The following SHROOM1 variants were observed in gnomAD, a reference collection of about 807,000 sequenced individuals.
The protein encoded by SHROOM1 is protein Shroom1.
SHROOM1 carries 53 observed loss-of-function variants against 64.2 expected under a neutral mutation model. That is an observed-to-expected ratio of 0.83 (90% CI 0.66 to 1.04). The LOEUF is 1.04. SHROOM1 is among the 50% of genes least tolerant of loss of function. SHROOM1 has a pLI of 0.00. For missense variants in SHROOM1, 1,179 were observed against 1,163.2 expected (o/e 1.01, Z -0.20); for synonymous variants, 490 against 518.9 (o/e 0.94, Z 0.76).
Position 132,823,291 on chromosome 5 carries a change from C to T in SHROOM1, c.2185G>A (p.Ala729Thr). The T allele has an allele frequency of 6.2e-7, 1 of 1,600,836 alleles. No individual in the cohort carries two copies. Among genetic ancestry groups the T allele is most frequent in the African/African-American group, 1.3e-5 (1 of 74,992 alleles). ...CTGTCTGAGGCCGCCCGGGCCAGGG[C>T]GCGGCGCACGCGCGCCAGGCGACTG... is the stretch of plus-strand genomic sequence containing the variant. ...LGSRLARVRRALARAASDSDP... is the reference protein window; with the variant it reads ...LGSRLARVRRTLARAASDSDP... The change falls in exon 9 of 10, where the codon GCC becomes ACC. Residue 729 changes from alanine to threonine, a missense_variant. By Grantham distance (58) the Ala-to-Thr change is moderately conservative. Coordinates refer to ENST00000378679, the MANE Select transcript of SHROOM1 (RefSeq NM_001172700.2). This position sits in a 1 kb window ranked among gnomAD's most constrained non-coding sequence, Gnocchi z 4.6.
chr5:132,823,243 C>T lies in SHROOM1; in HGVS notation c.2226+7G>A, dbSNP rs1052225638. The T allele has an allele frequency of 6.3e-7, 1 of 1,594,122 alleles. No individual in the cohort carries two copies. The highest frequency in any genetic ancestry group is 1.3e-5 in the African/African-American group (1 of 74,658). On this transcript the variant is annotated splice_region_variant and intron_variant, in intron 9 of 9. Transcript: ENST00000378679. The surrounding 1 kb of genome is among the most constrained non-coding windows in gnomAD (Gnocchi z 4.6). ...CCCTACTCGCTTGCAACCTGAACCCCTTTTACCTGCTCATCAGGGTCGCTG... is the reference window on the plus strand; with the variant it reads ...CCCTACTCGCTTGCAACCTGAACCCTTTTTACCTGCTCATCAGGGTCGCTG...
At position 132,825,578 on chromosome 5, in the gene SHROOM1, G is replaced by T. The variant is rs1459430922; in HGVS notation, c.563C>A (p.Ser188Ter). The change falls in exon 4 of 10, where the codon TCG (serine) becomes TAG (stop). Residue 188 changes from serine to a stop codon, truncating the protein, a stop_gained. Transcript: ENST00000378679. LOFTEE classifies it high-confidence loss of function. This position sits in a 1 kb window ranked among gnomAD's most constrained non-coding sequence, Gnocchi z 5.1. Reference protein sequence around the residue: ...RPPATHPRSASLSHPGGEGEP... With the variant: ...RPPATHPRSA ...CCCCTCCCCGCCCGGGTGGCTGAGC[G>T]AGGCGGAGCGCGGGTGAGTCGCCGG... 1.4e-6 allele frequency: 2 copies of T among 1,401,682 alleles called. No individual in the cohort carries two copies. The highest frequency in any genetic ancestry group is 2.2e-4 in the Middle Eastern group (1 of 4,542). 86.8% of individuals were successfully genotyped at this position (1,401,682 alleles called of 1,614,324 possible). A position where few individuals can be genotyped will look rare whatever the true frequency, so the allele number is the denominator to read the frequency against.
rs1171278617 is a variant in SHROOM1, at chr5:132,822,403, G to T, written c.*393C>A. The T allele has an allele frequency of 9.1e-6, 1 of 110,266 alleles. No homozygotes were observed. Among genetic ancestry groups the T allele is most frequent in the Admixed American group, 1.5e-4 (1 of 6,830 alleles). The allele number at this position is 110,266 out of a possible 1,614,324, so 6.8% of individuals were successfully genotyped here. A position where few individuals can be genotyped will look rare whatever the true frequency, so the allele number is the denominator to read the frequency against. On this transcript the variant is annotated 3_prime_UTR_variant, in exon 10 of 10. Coordinates refer to ENST00000378679, the MANE Select transcript of SHROOM1 (RefSeq NM_001172700.2). ...TTTTGAGACGGAGTCTTGCTCTGTC[G>T]CCCAGGCTGGAGTGCAGTGGCGCGA... is the stretch of plus-strand genomic sequence containing the variant.
Position 132,824,773 on chromosome 5 carries a change from G to A in SHROOM1, c.1083C>T (p.Pro361=). Residue 361 remains proline (P), a synonymous_variant, in exon 6 of 10, where the codon CCC becomes CCT. Coordinates refer to ENST00000378679, the MANE Select transcript of SHROOM1 (RefSeq NM_001172700.2). ...GTTCACTGTCAGCAGGGCTGCTCTG[G>A]GGTAACTCTGCAGGATACATCACCG... The part of the protein sequence containing the change: ...EAAVMYPAEL[P]QSSPADSEQR... The A allele has an allele frequency of 6.2e-7, 1 of 1,614,092 alleles. No individual in the cohort carries two copies. The highest frequency in any genetic ancestry group is 8.5e-7 in the Non-Finnish European group (1 of 1,180,020).
Position 132,823,896 on chromosome 5 carries a change from C to T in SHROOM1, c.1765G>A (p.Ala589Thr). The change falls in exon 7 of 10, where the codon GCC becomes ACC. Residue 589 changes from alanine (A) to threonine (T), a missense_variant. Coordinates refer to ENST00000378679, the MANE Select transcript of SHROOM1 (RefSeq NM_001172700.2). This position sits in a 1 kb window ranked among gnomAD's most constrained non-coding sequence, Gnocchi z 4.6. ...LAEVRAAMRP[A>T]CGEAGEEAAS... ...GCCTCCTCTCCAGCCTCCCCACAGG[C>T]AGGCCGCATTGCAGCCCGGACCTCT... 6.5e-7 allele frequency: 1 copy of T among 1,540,516 alleles called. No homozygotes were observed. The highest frequency in any genetic ancestry group is 8.7e-7 in the Non-Finnish European group (1 of 1,144,592).
At position 132,823,895 on chromosome 5, in the gene SHROOM1, G is replaced by T; in HGVS notation, c.1766C>A (p.Ala589Asp). 1 of 1,540,624 alleles carries T rather than the reference G, an allele frequency of 6.5e-7. No individual in the cohort carries two copies. The highest frequency in any genetic ancestry group is 8.7e-7 in the Non-Finnish European group (1 of 1,144,504). The change falls in exon 7 of 10, where the codon GCC (alanine) becomes GAC (aspartate). Residue 589 changes from alanine to aspartate, a missense_variant. Transcript: ENST00000378679. The surrounding 1 kb of genome is among the most constrained non-coding windows in gnomAD (Gnocchi z 4.6). ...AGCCTCCTCTCCAGCCTCCCCACAG[G>T]CAGGCCGCATTGCAGCCCGGACCTC... The part of the protein sequence containing the change: ...LAEVRAAMRP[A>D]CGEAGEEAAS...
chr5:132,822,701 C>T lies in SHROOM1; in HGVS notation c.*95G>A, dbSNP rs952171686. 1 of 1,390,868 alleles carries T rather than the reference C, an allele frequency of 7.2e-7. No individual in the cohort carries two copies. The highest frequency in any genetic ancestry group is 1.5e-5 in the African/African-American group (1 of 68,948). 86.2% of individuals were successfully genotyped at this position (1,390,868 alleles called of 1,614,324 possible). On this transcript the variant is annotated 3_prime_UTR_variant, in exon 10 of 10. Coordinates refer to ENST00000378679, the MANE Select transcript of SHROOM1 (RefSeq NM_001172700.2). ...AGAAAGGCCTGGACTGGGTCCTCCC[C>T]AATCCCTCAAGGGAAAAGCAGAGAC...
rs776939397 is a variant in SHROOM1, at chr5:132,824,850, A to C, written c.1035-29T>G. 1.9e-6 allele frequency: 3 copies of C among 1,612,250 alleles called. No individual in the cohort carries two copies. In the Admixed American group the frequency reaches 5.0e-5, roughly 27 times the overall value. On this transcript the variant is annotated intron_variant, in intron 5 of 9. Coordinates refer to ENST00000378679, the MANE Select transcript of SHROOM1 (RefSeq NM_001172700.2). ...GAGGCAGGGACCCCATAGTGACCAC[A>C]GTGAAAGGAAGGAAGCTCTTGGTGT...
At chr5:132,829,821 C>T in intron 1 of SHROOM1, 1 of 985,478 alleles carries the variant, frequency 1.0e-6, no homozygotes, top group Middle Eastern at 5.2e-4. Context: ...CTGTCCCCAG[C>T]GTCCCCCGTT....
Position 132,824,347 on chromosome 5 carries a change from C to T in SHROOM1, c.1314G>A (p.Glu438=), listed in dbSNP as rs760310047. The stretch of plus-strand genomic sequence containing the variant: ...TTCCTGGACACTCATGGAGCGGGTA[C>T]TCTGTGGGGACTGTAACCTGGCCAG... The part of the protein sequence containing the change: ...QRTGQVTVPT[E]YPLHECPGTA... Residue 438 remains glutamate, a synonymous_variant, in exon 7 of 10, where the codon GAG becomes GAA. Transcript: ENST00000378679. 1.0e-5 allele frequency: 16 copies of T among 1,605,944 alleles called. No individual in the cohort carries two copies. The African/African-American group carries it at 1.5e-4, about 15-fold the overall frequency.
At chr5:132,829,011 T>G (rs763375967) in intron 1 of SHROOM1, among the ~76,000 whole-genome samples, 1 of 152,242 alleles carries the variant, frequency 6.6e-6, no homozygotes, top group Non-Finnish European at 1.5e-5. Flanking sequence ...GGTCCCTGCC[T>G]CAGTGGCAGT....
rs749135173 is a variant in SHROOM1 at position 132,823,865 on chromosome 5, C to T, written c.1796G>A (p.Ser599Asn). Reference protein sequence around the residue: ...ACGEAGEEAASTFEPGSYQFS... With the variant: ...ACGEAGEEAANTFEPGSYQFS... ...CCTCACTCACCCTGGCTCAAAAGTA[C>T]TGGCAGCCTCCTCTCCAGCCTCCCC... The change falls in exon 7 of 10, where the codon AGT (serine) becomes AAT (asparagine). Residue 599 changes from serine to asparagine, a missense_variant. Transcript: ENST00000378679. This position sits in a 1 kb window ranked among gnomAD's most constrained non-coding sequence, Gnocchi z 4.6. 3.9e-6 allele frequency: 6 copies of T among 1,528,884 alleles called. No homozygotes were observed. Among genetic ancestry groups the T allele is most frequent in the Middle Eastern group, 3.5e-4 (2 of 5,636 alleles). The allele number at this position is 1,528,884 out of a possible 1,614,324, so 94.7% of individuals were successfully genotyped here. A position where few individuals can be genotyped will look rare whatever the true frequency, so the allele number is the denominator to read the frequency against.
Position 132,826,201 on chromosome 5 carries a change from G to T in SHROOM1, c.-42-19C>A. 1 of 1,274,388 alleles carries T rather than the reference G, an allele frequency of 7.8e-7. No individual in the cohort carries two copies. The highest frequency in any genetic ancestry group is 2.7e-5 in the South Asian group (1 of 36,610). The allele number at this position is 1,274,388 out of a possible 1,614,324, so 78.9% of individuals were successfully genotyped here. On this transcript the variant is annotated intron_variant, in intron 3 of 9. Transcript: ENST00000378679. ...GTGGGTCCTGGGAAAACACAGATGT[G>T]GTGCCGGGTGAGGAGCTCCGGGTGA...
At position 132,825,602 on chromosome 5, in the gene SHROOM1, G is replaced by T; in HGVS notation, c.539C>A (p.Pro180Gln). ...RLRPTVPARP[P>Q]ATHPRSASLS... ...CGAGGCGGAGCGCGGGTGAGTCGCC[G>T]GGGGCCGCGCTGGGACAGTGGGCCG... Residue 180 changes from proline (P) to glutamine (Q), a missense_variant, in exon 4 of 10, where the codon CCG becomes CAG. Physicochemically the swap from Pro to Gln is moderately conservative, Grantham distance 76. Transcript: ENST00000378679. This position sits in a 1 kb window ranked among gnomAD's most constrained non-coding sequence, Gnocchi z 5.1. 1 of 1,377,278 alleles carries T rather than the reference G, an allele frequency of 7.3e-7. No individual in the cohort carries two copies. The highest frequency in any genetic ancestry group is 9.3e-7 in the Non-Finnish European group (1 of 1,073,260). The allele number at this position is 1,377,278 out of a possible 1,614,324, so 85.3% of individuals were successfully genotyped here. A position where few individuals can be genotyped will look rare whatever the true frequency, so the allele number is the denominator to read the frequency against.
In SHROOM1 at chr5:132,822,655, G is replaced by A. The variant is rs976174162; in HGVS notation, c.*141C>T. On this transcript the variant is annotated 3_prime_UTR_variant, in exon 10 of 10. Transcript: ENST00000378679. ...TGGGATTACAGGCGTGAGCCACCGC[G>A]CCCGGCTGGAGGAGTATCTTAGAAA... 1.9e-5 allele frequency: 19 copies of A among 1,017,674 alleles called. No individual in the cohort carries two copies. Among genetic ancestry groups the A allele is most frequent in the Admixed American group, 2.9e-5 (1 of 34,046 alleles). 63.0% of individuals were successfully genotyped at this position (1,017,674 alleles called of 1,614,324 possible).
Position 132,823,380 on chromosome 5 carries a change from A to G in SHROOM1, c.2096T>C (p.Leu699Pro), listed in dbSNP as rs756366696. 3 of 1,609,578 alleles carry G rather than the reference A, an allele frequency of 1.9e-6. No individual in the cohort carries two copies. The highest frequency in any genetic ancestry group is 1.3e-5 in the African/African-American group (1 of 74,938). ...AVRQACAPQE[L>P]ERFSRFMADL... Reference sequence around the variant, plus strand: ...GGCCATGAACCGGCTGAACCGCTCCAGCTCCTGAGGGGCACAGGCCTGGCG... The same window carrying G: ...GGCCATGAACCGGCTGAACCGCTCCGGCTCCTGAGGGGCACAGGCCTGGCG... The change falls in exon 9 of 10, where the codon CTG becomes CCG. Residue 699 changes from leucine to proline, a missense_variant. Leu to Pro is a moderately conservative substitution (Grantham distance 98, BLOSUM62 -3). Coordinates refer to ENST00000378679, the MANE Select transcript of SHROOM1 (RefSeq NM_001172700.2). This position sits in a 1 kb window ranked among gnomAD's most constrained non-coding sequence, Gnocchi z 4.6.
chr5:132,826,192 C>A lies in SHROOM1; in HGVS notation c.-42-10G>T. 1 of 1,285,494 alleles carries A rather than the reference C, an allele frequency of 7.8e-7. No homozygotes were observed. The highest frequency in any genetic ancestry group is 9.8e-7 in the Non-Finnish European group (1 of 1,016,868). 79.6% of individuals were successfully genotyped at this position (1,285,494 alleles called of 1,614,324 possible). ...GGTGGCTGCGTGGGTCCTGGGAAAA[C>A]ACAGATGTGGTGCCGGGTGAGGAGC... On this transcript the variant is annotated splice_polypyrimidine_tract_variant and intron_variant, in intron 3 of 9. Transcript: ENST00000378679.
At position 132,824,829 on chromosome 5, in the gene SHROOM1, C is replaced by T. The variant is rs1372567692; in HGVS notation, c.1035-8G>A. 4.3e-6 allele frequency: 7 copies of T among 1,613,870 alleles called. No homozygotes were observed. In the East Asian group the frequency reaches 1.1e-4, roughly 26 times the overall value. ...TCTTTCTGAGGCAAGAACCTGGAGG[C>T]AGGGACCCCATAGTGACCACAGTGA... On this transcript the variant is annotated splice_polypyrimidine_tract_variant and splice_region_variant and intron_variant, in intron 5 of 9. Coordinates refer to ENST00000378679, the MANE Select transcript of SHROOM1 (RefSeq NM_001172700.2).
Position 132,823,431 on chromosome 5 carries a change from C to T in SHROOM1, c.2045G>A (p.Arg682His). Residue 682 changes from arginine to histidine, a missense_variant, in exon 9 of 10, where the codon CGC (arginine) becomes CAC (histidine). Transcript: ENST00000378679. This position sits in a 1 kb window ranked among gnomAD's most constrained non-coding sequence, Gnocchi z 4.6. ...CACTGCAGCCTCCAGAGCCGCTTGG[C>T]GCCTGGCCCACGCTTGTGCCTCCCC... is the stretch of plus-strand genomic sequence containing the variant. ...LQGEAQAWAR[R>H]QAALEAAVRQ... 6.2e-7 allele frequency: 1 copy of T among 1,611,800 alleles called. No homozygotes were observed. Among genetic ancestry groups the T allele is most frequent in the South Asian group, 1.1e-5 (1 of 91,046 alleles).
Sources: allele counts gnomAD v4.1 joint callset (sites outside exome capture counted in the v4.1 genomes callset), GRCh38; gene constraint gnomAD v4.1.1; non-coding constraint Gnocchi (gnomAD v3.1); transcripts MANE v1.5; gene names NCBI Gene and HGNC (gene_info 2026-07-23, HGNC 2026-07-21).